The following ITPK1 variants were observed in gnomAD, a reference collection of about 807,000 sequenced individuals.
ITPK1 encodes inositol 1,3,4-trisphosphate 5/6-kinase.
ITPK1 carries 21 observed loss-of-function variants against 45.3 expected under a neutral mutation model. That is an observed-to-expected ratio of 0.46 (90% CI 0.33 to 0.67). ITPK1 has a LOEUF of 0.67. Among genes scored for constraint, ITPK1 ranks in the 30% least tolerant of loss-of-function variants. The pLI, the probability that ITPK1 is intolerant of heterozygous loss-of-function variation, is 0.02. For synonymous variants in ITPK1, 258 were observed against 253.6 expected (o/e 1.02, Z -0.16); for missense variants, 474 against 573.5 (o/e 0.83, Z 1.77).
intron 10 of ITPK1, among the ~76,000 whole-genome samples, chr14:92,945,397 C>A (rs911604181): frequency 3.3e-5 from 5 of 152,228 alleles, no homozygotes; most frequent in African/African-American, 1.2e-4. Context: ...CGATAAACAA[C>A]CCCGAGTCCC....
rs1012736536 is a variant in ITPK1 at position 92,962,297 on chromosome 14, A to G, written c.504+58T>C. The G allele has an allele frequency of 1.9e-5, 24 of 1,260,544 alleles. No individual in the cohort carries two copies. The African/African-American group carries it at 3.4e-4, about 18-fold the overall frequency. The allele number at this position is 1,260,544 out of a possible 1,614,324, so 78.1% of individuals were successfully genotyped here. On this transcript the variant is annotated intron_variant, in intron 7 of 10. Coordinates refer to ENST00000267615, the MANE Select transcript of ITPK1 (RefSeq NM_014216.6). ...AGGAATCCGGCAGGGTAGCAGTGAG[A>G]CACGATGAGCTGAAAGGATGGGGGT...
intron 2 of ITPK1, among the ~76,000 whole-genome samples, chr14:93,097,504 T>A (rs1384315808): frequency 6.6e-6 from 1 of 152,166 alleles, no homozygotes; most frequent in Non-Finnish European, 1.5e-5. Flanking sequence ...ACGCAAGGGA[T>A]TCCTAGCAAG....
chr14:93,114,031 C>T (rs1007886027), intron 2 of ITPK1, among the ~76,000 whole-genome samples: 1 of 152,226 alleles, frequency 6.6e-6, no homozygotes, highest in Non-Finnish European at 1.5e-5. Flanking sequence ...TTCAATTCTC[C>T]AAGATGTGTG....
At position 92,940,641 on chromosome 14, in the gene ITPK1, G is replaced by A. The variant is rs969961759; in HGVS notation, c.*920C>T. On this transcript the variant is annotated 3_prime_UTR_variant, in exon 11 of 11. Transcript: ENST00000267615. ...CCTCACCTAGGTGACTTTATGGAAAGGCAGGCTGCATCCCAGGGGTTAGGG... is the reference window on the plus strand; with the variant it reads ...CCTCACCTAGGTGACTTTATGGAAAAGCAGGCTGCATCCCAGGGGTTAGGG... 1 of 1,234,828 alleles carries A rather than the reference G, an allele frequency of 8.1e-7. No individual in the cohort carries two copies. Among genetic ancestry groups the A allele is most frequent in the African/African-American group, 1.6e-5 (1 of 63,926 alleles). 76.5% of individuals were successfully genotyped at this position (1,234,828 alleles called of 1,614,324 possible).
chr14:92,951,150 AG>A (rs1274085465), intron 9 of ITPK1, among the ~76,000 whole-genome samples: 2 of 152,252 alleles, frequency 1.3e-5, no homozygotes, highest in Non-Finnish European at 2.9e-5. Context: ...ATGCATCCTC[AG>A]AACAGCAGGC....
intron 5 of ITPK1, 66 bp downstream of exon 5, chr14:92,993,814 C>T (rs765203393): frequency 2.0e-6 from 2 of 988,614 alleles, no homozygotes; most frequent in South Asian, 2.6e-5. Context: ...ACACCTCAGG[C>T]CGTGGCCACT....
intron 8 of ITPK1, among the ~76,000 whole-genome samples, chr14:92,956,866 T>C (rs751924173): frequency 1.3e-5 from 2 of 152,224 alleles, no homozygotes; most frequent in Non-Finnish European, 2.9e-5. Flanking sequence ...CATATAAAAA[T>C]ATGCTTCCAG....
intron 5 of ITPK1, among the ~76,000 whole-genome samples, chr14:92,972,661 A>G (rs1885720245): frequency 1.3e-5 from 2 of 152,114 alleles, no homozygotes; most frequent in Admixed American, 6.5e-5. Flanking sequence ...TCGTGATCTC[A>G]GCTCACTGCA....
At position 92,940,636 on chromosome 14, in the gene ITPK1, G is replaced by T; in HGVS notation, c.*925C>A. ...CCTATCCTCACCTAGGTGACTTTAT[G>T]GAAAGGCAGGCTGCATCCCAGGGGT... On this transcript the variant is annotated 3_prime_UTR_variant, in exon 11 of 11. Coordinates refer to ENST00000267615, the MANE Select transcript of ITPK1 (RefSeq NM_014216.6). The T allele has an allele frequency of 8.1e-7, 1 of 1,230,006 alleles. No homozygotes were observed. Among genetic ancestry groups the T allele is most frequent in the South Asian group, 1.4e-5 (1 of 71,112 alleles). The allele number at this position is 1,230,006 out of a possible 1,614,324, so 76.2% of individuals were successfully genotyped here.
intron 3 of ITPK1, among the ~76,000 whole-genome samples, chr14:93,053,718 G>A (rs188962886): frequency 8.7e-4 from 132 of 152,286 alleles, no homozygotes; most frequent in African/African-American, 3.1e-3. Context: ...TGACAGTAAG[G>A]GGGGCTGCAT....
chr14:93,115,702 C>T (rs1315431569), intron 1 of ITPK1, 70 bp downstream of exon 1: 1 of 149,986 alleles, frequency 6.7e-6, no homozygotes, highest in Non-Finnish European at 1.5e-5. Flanking sequence ...CCAGCCGGGC[C>T]GTAACCCCTG....
At chr14:93,115,725 C>A in intron 1 of ITPK1, 47 bp downstream of exon 1, 1 of 150,474 alleles carries the variant, frequency 6.6e-6, no homozygotes, top group South Asian at 1.9e-4. Flanking sequence ...CGCGCTTGGA[C>A]CCCGGCGGGG....
Position 92,938,953 on chromosome 14 carries a change from G to A in ITPK1, c.*2608C>T. ...CAGCCAAAGTGTGGTCTGGCCCCTT[G>A]CTCCTGGAGCCCTTCAGCACATCCA... is the stretch of plus-strand genomic sequence containing the variant. On this transcript the variant is annotated 3_prime_UTR_variant, in exon 11 of 11. Coordinates refer to ENST00000267615, the MANE Select transcript of ITPK1 (RefSeq NM_014216.6). The A allele has an allele frequency of 5.1e-6, 1 of 195,360 alleles. No homozygotes were observed. Among genetic ancestry groups the A allele is most frequent in the East Asian group, 1.5e-4 (1 of 6,788 alleles). 12.1% of individuals were successfully genotyped at this position (195,360 alleles called of 1,614,324 possible). A position where few individuals can be genotyped will look rare whatever the true frequency, so the allele number is the denominator to read the frequency against.
chr14:93,048,333 A>G (rs925009041), intron 3 of ITPK1, among the ~76,000 whole-genome samples: 6 of 152,258 alleles, frequency 3.9e-5, no homozygotes, highest in African/African-American at 1.4e-4. Flanking sequence ...TTCGTATAAC[A>G]AAAAACAATT....
In ITPK1 at chr14:92,994,004, G is replaced by T; in HGVS notation, c.247-7C>A. On this transcript the variant is annotated splice_region_variant and splice_polypyrimidine_tract_variant and intron_variant, in intron 4 of 10. Coordinates refer to ENST00000267615, the MANE Select transcript of ITPK1 (RefSeq NM_014216.6). ...GGTGGGCATCGATGTACTCCTGAAA[G>T]GGAAGCATGCTGCTCTGGTTAGAGC... The T allele has an allele frequency of 6.3e-7, 1 of 1,590,306 alleles. No homozygotes were observed. The highest frequency in any genetic ancestry group is 8.6e-7 in the Non-Finnish European group (1 of 1,158,276).
chr14:93,101,833 C>T (rs1309474533), intron 2 of ITPK1, among the ~76,000 whole-genome samples: 1 of 152,120 alleles, frequency 6.6e-6, no homozygotes, highest in Admixed American at 6.6e-5. Context: ...ATGTTTGAAC[C>T]CCACCCCCAG....
chr14:93,027,670 C>T (rs1888808154), intron 3 of ITPK1, among the ~76,000 whole-genome samples: 1 of 152,192 alleles, frequency 6.6e-6, no homozygotes, highest in Admixed American at 6.5e-5. Context: ...GACTCCTCTG[C>T]AGATCTCAGA....
At chr14:92,945,658 T>G (rs2061007439) in intron 10 of ITPK1, among the ~76,000 whole-genome samples, 1 of 152,182 alleles carries the variant, frequency 6.6e-6, no homozygotes, top group Non-Finnish European at 1.5e-5. Flanking sequence ...CGCAGCCTGG[T>G]GACCGCGAGC....
At position 93,012,614 on chromosome 14, in the gene ITPK1, T is replaced by C. The variant is rs1294679104; in HGVS notation, c.246+4062A>G. Among the ~76,000 whole-genome samples the C allele has an allele frequency of 1.3e-5, 2 of 152,216 alleles. No homozygotes were observed. Among genetic ancestry groups the C allele is most frequent in the Non-Finnish European group, 2.9e-5 (2 of 68,034 alleles). On this transcript the variant is annotated intron_variant, in intron 4 of 10. Coordinates refer to ENST00000267615, the MANE Select transcript of ITPK1 (RefSeq NM_014216.6). This position sits in a 1 kb window ranked among gnomAD's most constrained non-coding sequence, Gnocchi z 4.9. ...ACTTTAGGGGCCGTGAGGTCAGTTC[T>C]GGGTCTGCCTGCTGGCCTCTCCTCC...
Sources: allele counts gnomAD v4.1 joint callset (sites outside exome capture counted in the v4.1 genomes callset), GRCh38; gene constraint gnomAD v4.1.1; non-coding constraint Gnocchi (gnomAD v3.1); transcripts MANE v1.5; gene names NCBI Gene and HGNC (gene_info 2026-07-23, HGNC 2026-07-21).